The following IQCM variants were observed in gnomAD, a reference collection of about 807,000 sequenced individuals.
IQCM encodes the protein IQ domain-containing protein M.
Under a neutral mutation model 57.6 loss-of-function variants are expected in IQCM, and 45 were observed. The ratio of observed to expected loss-of-function variants is 0.78; its 90% confidence interval spans 0.62 to 1.00. IQCM has a LOEUF of 1.00. Ranked by LOEUF, IQCM falls within the 50% of genes least tolerant of loss-of-function variation. The probability of loss-of-function intolerance (pLI) is 0.00; values close to 1 mark genes in which losing one functional copy is unlikely to be tolerated. For missense variants in IQCM, 468 were observed against 511.6 expected, an observed-to-expected ratio of 0.91 and a Z score of 0.82; for synonymous variants, 148 against 158.9, an observed-to-expected ratio of 0.93 and a Z score of 0.51.
chr4:149,725,982 T>G (rs1226329905), intron 5 of IQCM, among the ~76,000 whole-genome samples: 1 of 151,942 alleles, frequency 6.6e-6, no homozygotes, highest in Non-Finnish European at 1.5e-5. Context: ...TATTCCTTTA[T>G]TCTACCCTTC....
chr4:149,507,861 C>T (rs1743986755), intron 12 of IQCM, among the ~76,000 whole-genome samples: 1 of 152,110 alleles, frequency 6.6e-6, no homozygotes, highest in Admixed American at 6.5e-5. Context: ...GCAGCCCCTC[C>T]CATCACAGAC....
At chr4:149,421,250 G>T (rs1734100868) in intron 13 of IQCM, among the ~76,000 whole-genome samples, 1 of 151,894 alleles carries the variant, frequency 6.6e-6, no homozygotes, top group South Asian at 2.1e-4. Flanking sequence ...ATATATACAT[G>T]AATGAAGATT....
intron 12 of IQCM, among the ~76,000 whole-genome samples, chr4:149,519,374 C>A (rs1456022169): frequency 6.6e-6 from 1 of 152,218 alleles, no homozygotes; most frequent in Admixed American, 6.5e-5. Context: ...GTAATCCCAG[C>A]ACTTTGGGAG....
In IQCM at chr4:149,668,369, G is replaced by A. The variant is rs1378766304; in HGVS notation, c.565+13749C>T. Reference sequence around the variant, plus strand: ...GAGAAATAAAACCCTTTACAGACAAGCAAATGTTGAGAGATTTTGTCACCA... The same window carrying A: ...GAGAAATAAAACCCTTTACAGACAAACAAATGTTGAGAGATTTTGTCACCA... On this transcript the variant is annotated intron_variant, in intron 7 of 13. Coordinates refer to ENST00000636793, the MANE Select transcript of IQCM (RefSeq NM_001363507.2). 3.9e-5 allele frequency among the ~76,000 whole-genome samples: 6 copies of A among 152,126 alleles called. No individual in the cohort carries two copies. The East Asian group carries it at 9.7e-4, about 24-fold the overall frequency.
intron 8 of IQCM, among the ~76,000 whole-genome samples, chr4:149,620,709 CAT>C (rs1756254735): frequency 6.6e-6 from 1 of 152,194 alleles, no homozygotes; most frequent in Non-Finnish European, 1.5e-5. Context: ...AAACCATCAA[CAT>C]GTGGTCATAA....
intron 2 of IQCM, among the ~76,000 whole-genome samples, chr4:149,743,483 C>T (rs918977567): frequency 5.0e-5 from 6 of 120,326 alleles, no homozygotes; most frequent in African/African-American, 1.6e-4. Flanking sequence ...AATTTTAGTC[C>T]TATACATTCC....
intron 2 of IQCM, among the ~76,000 whole-genome samples, chr4:149,810,401 C>G (rs974871817): frequency 6.7e-6 from 1 of 149,682 alleles, no homozygotes; most frequent in Non-Finnish European, 1.5e-5. Context: ...AGTGCTTATA[C>G]CAAGATAATA....
intron 4 of IQCM, among the ~76,000 whole-genome samples, chr4:149,734,357 G>A (rs143207260): frequency 2.6e-4 from 39 of 152,196 alleles, no homozygotes; most frequent in African/African-American, 8.2e-4. Context: ...TCTGAAGACC[G>A]TGAAACATTC....
intron 5 of IQCM, among the ~76,000 whole-genome samples, chr4:149,712,068 G>A (rs1764602616): frequency 6.6e-6 from 1 of 152,138 alleles, no homozygotes; most frequent in African/African-American, 2.4e-5. Flanking sequence ...CTGGTTCTTA[G>A]GCTGCTTCAG....
chr4:149,796,240 T>C (rs761800071), intron 2 of IQCM, among the ~76,000 whole-genome samples: 3 of 152,092 alleles, frequency 2.0e-5, no homozygotes, highest in Non-Finnish European at 4.4e-5. Context: ...TGAGGAGCCA[T>C]TGGGCTATAA....
intron 11 of IQCM, among the ~76,000 whole-genome samples, chr4:149,549,047 T>C (rs1560978707): frequency 6.6e-6 from 1 of 152,226 alleles, no homozygotes; most frequent in Non-Finnish European, 1.5e-5. Flanking sequence ...TTTCTAAAGT[T>C]GGCCCCTAAT....
In IQCM at chr4:149,419,732, A is replaced by T. The variant is rs150974724; in HGVS notation, c.1390+13664T>A. Among the ~76,000 whole-genome samples the T allele has an allele frequency of 2.0e-5, 3 of 152,264 alleles. No individual in the cohort carries two copies. In the East Asian group the frequency reaches 5.8e-4, roughly 29 times the overall value. The stretch of plus-strand genomic sequence containing the variant: ...CTACAAAGTGGGTGAAAAATCTTGC[A>T]ATCTACCCATCTGACAAAGGTCTAA... On this transcript the variant is annotated intron_variant, in intron 13 of 13. Coordinates refer to ENST00000636793, the MANE Select transcript of IQCM (RefSeq NM_001363507.2).
At chr4:149,485,094 C>T (rs1394096169) in intron 12 of IQCM, among the ~76,000 whole-genome samples, 1 of 152,058 alleles carries the variant, frequency 6.6e-6, no homozygotes, top group Non-Finnish European at 1.5e-5. Context: ...ATTGTAGCTC[C>T]ATTGTATGTT....
intron 13 of IQCM, among the ~76,000 whole-genome samples, chr4:149,410,452 T>C (rs1733304826): frequency 6.7e-6 from 1 of 149,996 alleles, no homozygotes; most frequent in Non-Finnish European, 1.5e-5. Context: ...ATTTAAATAT[T>C]TTTATATATT....
intron 7 of IQCM, among the ~76,000 whole-genome samples, chr4:149,643,608 A>T (rs1286486484): frequency 1.3e-5 from 2 of 152,192 alleles, no homozygotes; most frequent in African/African-American, 4.8e-5. Context: ...AATCCTTTTT[A>T]GAGATCTCTA....
Position 149,509,933 on chromosome 4 carries a change from T to G in IQCM, c.1228+38522A>C, listed in dbSNP as rs1040903181. On this transcript the variant is annotated intron_variant, in intron 12 of 13. Coordinates refer to ENST00000636793, the MANE Select transcript of IQCM (RefSeq NM_001363507.2). ...TTTTCATTTCAATACTTTTTGTTGCTCAAAAAATCCCACTGCAATATCTAC... is the reference window on the plus strand; with the variant it reads ...TTTTCATTTCAATACTTTTTGTTGCGCAAAAAATCCCACTGCAATATCTAC... 4.6e-5 allele frequency among the ~76,000 whole-genome samples: 7 copies of G among 152,242 alleles called. No individual in the cohort carries two copies. In the East Asian group the frequency reaches 1.4e-3, roughly 29 times the overall value.
intron 8 of IQCM, among the ~76,000 whole-genome samples, chr4:149,600,285 C>A (rs1169207125): frequency 6.6e-6 from 1 of 152,090 alleles, no homozygotes; most frequent in African/African-American, 2.4e-5. Flanking sequence ...TGTGTATTAT[C>A]TTCAATCTTC....
chr4:149,477,511 G>A (rs1740324961), intron 12 of IQCM, among the ~76,000 whole-genome samples: 1 of 152,118 alleles, frequency 6.6e-6, no homozygotes, highest in Admixed American at 6.6e-5. Flanking sequence ...TATATATAAG[G>A]AAGTAAAAAT....
At chr4:149,653,561 A>G (rs981307450) in intron 7 of IQCM, among the ~76,000 whole-genome samples, 5 of 152,052 alleles carry the variant, frequency 3.3e-5, no homozygotes, top group Non-Finnish European at 7.4e-5. Context: ...GAGTGTAGAA[A>G]AGAACAGATC....
Sources: gnomAD v4.1 joint callset for allele counts (sites outside exome capture counted in the v4.1 genomes callset) on GRCh38, gnomAD v4.1.1 for gene constraint, MANE v1.5 for transcripts, NCBI Gene and HGNC (gene_info 2026-07-23, HGNC 2026-07-21) for gene names.